Variants in TAF4 observed in about 807,000 individuals in gnomAD.
TAF4 encodes TATA-box binding protein associated factor 4.
A neutral mutation model predicts 90.3 loss-of-function variants in TAF4; 9 were observed. The observed-to-expected ratio is 0.10, with a 90% CI of 0.06 to 0.17. The LOEUF (loss-of-function observed/expected upper bound fraction) is 0.17. Ranked by LOEUF, TAF4 falls within the 10% of genes least tolerant of loss-of-function variation. TAF4 has a pLI of 1.00. For synonymous variants in TAF4, 818 were observed against 638.9 expected, an observed-to-expected ratio of 1.28 and a Z score of -4.23; for missense variants, 1,351 against 1,370.7, an observed-to-expected ratio of 0.99 and a Z score of 0.23.
At chr20:62,031,043 C>T (rs1432849261) in intron 1 of TAF4, among the ~76,000 whole-genome samples, 2 of 152,258 alleles carry the variant, frequency 1.3e-5, no homozygotes, top group African/African-American at 4.8e-5. Context: ...TTTTTCTCCA[C>T]GGCTTTAGGT....
intron 14 of TAF4, among the ~76,000 whole-genome samples, chr20:61,995,195 C>T (rs749524486): frequency 1.1e-4 from 16 of 152,206 alleles, no homozygotes; most frequent in Non-Finnish European, 2.2e-4. Context: ...AGAAAGTGTG[C>T]AAGGCCGAGG....
In TAF4 at chr20:62,065,490, G is replaced by A; in HGVS notation, c.321C>T (p.Pro107=). 1.2e-5 allele frequency: 12 copies of A among 971,104 alleles called. No homozygotes were observed. The highest frequency in any genetic ancestry group is 1.5e-5 in the Non-Finnish European group (12 of 820,302). The allele number at this position is 971,104 out of a possible 1,614,324, so 60.2% of individuals were successfully genotyped here. Reference sequence around the variant, plus strand: ...GGACAAGGGGGCGGCGCGGTGAGGGGGGGCCCGGGCGCTGCGGCCCCCCGC... The same window carrying A: ...GGACAAGGGGGCGGCGCGGTGAGGGAGGGCCCGGGCGCTGCGGCCCCCCGC... The part of the protein sequence containing the change: ...PGGGGPQRPG[P]PSPRRPLVPA... Residue 107 remains proline (P), a synonymous_variant, in exon 1 of 15, where the codon CCC becomes CCT. Coordinates refer to ENST00000252996, the MANE Select transcript of TAF4 (RefSeq NM_003185.4).
intron 1 of TAF4, among the ~76,000 whole-genome samples, chr20:62,044,402 T>C (rs2055981389): frequency 6.6e-6 from 1 of 152,188 alleles, no homozygotes; most frequent in Non-Finnish European, 1.5e-5. Flanking sequence ...AAATGTTTTA[T>C]ACCCTCAAAA....
At chr20:62,008,425 A>G (rs974917294) in intron 5 of TAF4, among the ~76,000 whole-genome samples, 6 of 152,126 alleles carry the variant, frequency 3.9e-5, no homozygotes, top group East Asian at 2.0e-4. Flanking sequence ...GAGCTCGGCC[A>G]TGAGTGGAGA....
chr20:62,029,927 G>A (rs181888621), intron 1 of TAF4, among the ~76,000 whole-genome samples: 43 of 152,260 alleles, frequency 2.8e-4, no homozygotes, highest in Admixed American at 8.5e-4. Flanking sequence ...AAAAAGAATG[G>A]CAGGCACAGG....
rs1163477070 is a variant in TAF4, at chr20:62,006,299, TATTTC to T, written c.2223+206_2223+210del. On this transcript the variant is annotated intron_variant, in intron 7 of 14. Transcript: ENST00000252996. The surrounding 1 kb of genome is among the most constrained non-coding windows in gnomAD (Gnocchi z 7.0). The stretch of plus-strand genomic sequence containing the variant: ...GCCGGTGGTTCAAAGCCAACTCAAC[TATTTC>T]ATTTTACTGAGACAAAATACAACAT... 12 of 641,320 alleles carry T rather than the reference TATTTC, an allele frequency of 1.9e-5. No individual in the cohort carries two copies. In the African/African-American group the frequency reaches 2.3e-4, roughly 12 times the overall value. 39.7% of individuals were successfully genotyped at this position (641,320 alleles called of 1,614,324 possible). A position where few individuals can be genotyped will look rare whatever the true frequency, so the allele number is the denominator to read the frequency against.
intron 1 of TAF4, among the ~76,000 whole-genome samples, chr20:62,038,203 A>G (rs958518683): frequency 6.6e-6 from 1 of 151,752 alleles, no homozygotes; most frequent in Admixed American, 6.6e-5. Flanking sequence ...AATTTTTTGT[A>G]TTTTTACTAG....
chr20:62,032,795 G>A (rs2055911357), intron 1 of TAF4, among the ~76,000 whole-genome samples: 1 of 152,188 alleles, frequency 6.6e-6, no homozygotes, highest in Non-Finnish European at 1.5e-5. Context: ...TGAGCAGCCG[G>A]TGGCCAACCA....
chr20:62,064,308 G>A, intron 1 of TAF4, 143 bp downstream of exon 1: 1 of 1,001,554 alleles, frequency 1.0e-6, no homozygotes, highest in Non-Finnish European at 1.3e-6. Context: ...CCCGCACCTG[G>A]GTAGAGACTG....
intron 1 of TAF4, among the ~76,000 whole-genome samples, chr20:62,050,355 G>C (rs1170349383): frequency 6.6e-6 from 1 of 152,088 alleles, no homozygotes; most frequent in African/African-American, 2.4e-5. Context: ...GTCTGGACCT[G>C]GGCACAGCAA....
chr20:62,065,294 C>T lies in TAF4; in HGVS notation c.517G>A (p.Gly173Ser). 3 of 920,364 alleles carry T rather than the reference C, an allele frequency of 3.3e-6. No individual in the cohort carries two copies. The highest frequency in any genetic ancestry group is 2.0e-5 in the African/African-American group (1 of 50,086). The allele number at this position is 920,364 out of a possible 1,614,324, so 57.0% of individuals were successfully genotyped here. The change falls in exon 1 of 15, where the codon GGC becomes AGC. Residue 173 changes from glycine (G) to serine (S), a missense_variant. Gly to Ser is a moderately conservative substitution (Grantham distance 56). Around this residue, in one of 9 missense-constraint regions of TAF4, gnomAD observed 782 missense variants for 536.6 expected, o/e 1.46. Transcript: ENST00000252996. ...PAALAARAGP[G>S]PGPGPGPGPG... is the part of the protein sequence containing the mutation. ...CCGGGGCCGGGGCCGGGCCCGGGGC[C>T]GGGGCCGGCGCGGGCGGCCAGCGCG...
Position 62,003,768 on chromosome 20 carries a change from G to A in TAF4, c.2334C>T (p.Thr778=). ...LRQPHNRIML[T]TPQQIQLNPL... ...GGTTCAGCTGGATCTGCTGAGGCGT[G>A]GTGAGCATGATCCGGTTGTGAGGCT... Residue 778 remains threonine, a synonymous_variant, in exon 8 of 15, where the codon ACC becomes ACT. Transcript: ENST00000252996. The A allele has an allele frequency of 1.9e-6, 3 of 1,607,626 alleles. No homozygotes were observed. The highest frequency in any genetic ancestry group is 2.2e-5 in the South Asian group (2 of 90,680).
At chr20:62,036,233 C>T (rs189149888) in intron 1 of TAF4, among the ~76,000 whole-genome samples, 311 of 152,298 alleles carry the variant, frequency 2.0e-3, no homozygotes, top group Non-Finnish European at 3.6e-3. Context: ...CCATGTTGGC[C>T]AGGCTGGTCT....
intron 11 of TAF4, among the ~76,000 whole-genome samples, chr20:61,999,447 T>A (rs899817465): frequency 2.6e-5 from 4 of 152,234 alleles, no homozygotes; most frequent in African/African-American, 9.6e-5. Context: ...GTGTGTTTAT[T>A]TCAGTGCTGC....
rs2056111678 is a variant in TAF4, at chr20:62,064,633, G to A, written c.1178C>T (p.Ala393Val). 5.2e-6 allele frequency: 7 copies of A among 1,347,392 alleles called. No individual in the cohort carries two copies. The highest frequency in any genetic ancestry group is 3.2e-5 in the East Asian group (1 of 31,422). The allele number at this position is 1,347,392 out of a possible 1,614,324, so 83.5% of individuals were successfully genotyped here. ...GGGCAGCCCGGTGGGGGTCCCGGGG[G>A]CGGGCGGCGGGACGGCGGCCGGGCT... ...LPSPAAVPPP[A>V]PGTPTGLPKG... The change falls in exon 1 of 15, where the codon GCC becomes GTC. Residue 393 changes from alanine to valine, a missense_variant. Transcript: ENST00000252996.
chr20:62,003,316 T>G, intron 8 of TAF4, 42 bp from the exon 9 acceptor site: 1 of 1,492,340 alleles, frequency 6.7e-7, no homozygotes, highest in African/African-American at 1.4e-5. Context: ...AAGGCTTTTA[T>G]TAGATCAACT....
chr20:62,026,316 C>T (rs975001107), intron 1 of TAF4, among the ~76,000 whole-genome samples: 4 of 152,164 alleles, frequency 2.6e-5, no homozygotes, highest in African/African-American at 4.8e-5. Context: ...AGTGTGCTGT[C>T]GATGGCACCC....
At position 62,010,298 on chromosome 20, in the gene TAF4, C is replaced by CG. The variant is rs1443035570; in HGVS notation, c.1642-134dup. The CG allele has an allele frequency of 4.5e-6, 6 of 1,339,554 alleles. No individual in the cohort carries two copies. In the Admixed American group the frequency reaches 8.5e-5, roughly 19 times the overall value. 83.0% of individuals were successfully genotyped at this position (1,339,554 alleles called of 1,614,324 possible). ...AGGACGCCCAGGAAGCCAAGGACCC[C>CG]GGCCACCTGCCAGCCCGCTGGACAC... On this transcript the variant is annotated intron_variant, in intron 3 of 14. Coordinates refer to ENST00000252996, the MANE Select transcript of TAF4 (RefSeq NM_003185.4). This position sits in a 1 kb window ranked among gnomAD's most constrained non-coding sequence, Gnocchi z 4.5.
chr20:62,007,407 C>A (rs560772763), intron 6 of TAF4, 140 bp downstream of exon 6: 3 of 722,258 alleles, frequency 4.2e-6, no homozygotes, highest in Non-Finnish European at 6.9e-6. Flanking sequence ...GGCACTGAGT[C>A]CCCGGCCCCA....
Sources: gnomAD v4.1 joint callset for allele counts (sites outside exome capture counted in the v4.1 genomes callset) on GRCh38, gnomAD v4.1.1 for gene constraint, gnomAD v4.1.1 regional missense constraint, Gnocchi (gnomAD v3.1) non-coding constraint, MANE v1.5 for transcripts, NCBI Gene and HGNC (gene_info 2026-07-23, HGNC 2026-07-21) for gene names.